Variants in ATF7IP observed in about 807,000 individuals in gnomAD.
The protein encoded by ATF7IP is activating transcription factor 7 interacting protein.
In ATF7IP, 23 loss-of-function variants were observed where a neutral mutation model predicts 106.4. The observed-to-expected ratio is 0.22, with a 90% CI of 0.16 to 0.31. The LOEUF (loss-of-function observed/expected upper bound fraction) is 0.31. Among genes scored for constraint, ATF7IP ranks in the 10% least tolerant of loss-of-function variants. The probability of loss-of-function intolerance (pLI) is 1.00; values close to 1 mark genes in which losing one functional copy is unlikely to be tolerated. For missense variants in ATF7IP, 1,334 were observed against 1,524.3 expected, an observed-to-expected ratio of 0.88 and a Z score of 2.08; for synonymous variants, 542 against 539.0, an observed-to-expected ratio of 1.01 and a Z score of -0.08.
At chr12:14,472,972 C>T (rs535598843) in intron 10 of ATF7IP, among the ~76,000 whole-genome samples, 2 of 152,192 alleles carry the variant, frequency 1.3e-5, no homozygotes, top group South Asian at 4.1e-4. Flanking sequence ...CAGCTTTTTA[C>T]TTTCAATCTG....
At chr12:14,450,282 G>C (rs1449278418) in intron 6 of ATF7IP, among the ~76,000 whole-genome samples, 1 of 152,164 alleles carries the variant, frequency 6.6e-6, no homozygotes, top group Non-Finnish European at 1.5e-5. Flanking sequence ...TCACCATTGA[G>C]TATGATGTTA....
chr12:14,424,143 G>A lies in ATF7IP; in HGVS notation c.228G>A (p.Glu76=). The A allele has an allele frequency of 6.2e-7, 1 of 1,614,200 alleles. No individual in the cohort carries two copies. Among genetic ancestry groups the A allele is most frequent in the East Asian group, 2.2e-5 (1 of 44,882 alleles). ...KDKEEVNGIE[E]ICFDPEGSKA... is the part of the protein sequence containing the mutation. ...AGGAAGAGGTGAATGGCATTGAAGA[G>A]ATTTGTTTTGATCCTGAAGGAAGTA... The change falls in exon 2 of 15, where the codon GAG becomes GAA. Residue 76 remains glutamate (E), a synonymous_variant. Transcript: ENST00000261168.
At chr12:14,451,802 G>A (rs1310042799) in intron 6 of ATF7IP, among the ~76,000 whole-genome samples, 2 of 152,070 alleles carry the variant, frequency 1.3e-5, no homozygotes, top group African/African-American at 4.8e-5. Flanking sequence ...AATTTTCTAT[G>A]TGCTCTTGAG....
At chr12:14,451,470 A>C (rs909324887) in intron 6 of ATF7IP, among the ~76,000 whole-genome samples, 12 of 151,828 alleles carry the variant, frequency 7.9e-5, no homozygotes, top group Non-Finnish European at 1.3e-4. Flanking sequence ...GTAAAGCTAG[A>C]TTGTTGATTT....
Position 14,492,237 on chromosome 12 carries a change from G to GCC in ATF7IP, c.3281-3993_3281-3992dup, listed in dbSNP as rs879511783. Among the ~76,000 whole-genome samples the GCC allele has an allele frequency of 8.5e-3, 1,301 of 152,308 alleles. 13 individuals carry two copies. Among genetic ancestry groups the GCC allele is most frequent in the Middle Eastern group, 0.055 (16 of 292 alleles). ...TCCATTAATTATCTGACCTCCATAA[G>GCC]CCTGTACTTTAACTGGAGGACCACA... On this transcript the variant is annotated intron_variant, in intron 13 of 14. Coordinates refer to ENST00000261168, the MANE Select transcript of ATF7IP (RefSeq NM_018179.5).
chr12:14,402,102 C>A (rs1227093340), intron 1 of ATF7IP, among the ~76,000 whole-genome samples: 4 of 146,752 alleles, frequency 2.7e-5, no homozygotes, highest in Non-Finnish European at 6.0e-5. Context: ...CTTTCTCTCT[C>A]TCTTTTTCTT....
chr12:14,392,439 T>C (rs1043480823), intron 1 of ATF7IP, among the ~76,000 whole-genome samples: 1 of 152,200 alleles, frequency 6.6e-6, no homozygotes, highest in Non-Finnish European at 1.5e-5. Flanking sequence ...TAAGAATTCT[T>C]ACTTGTGCAA....
chr12:14,485,635 A>G (rs1944580363), intron 13 of ATF7IP, among the ~76,000 whole-genome samples: 1 of 152,198 alleles, frequency 6.6e-6, no homozygotes, highest in Non-Finnish European at 1.5e-5. Context: ...CCCTGAGGTA[A>G]GACAGTAAAG....
intron 1 of ATF7IP, among the ~76,000 whole-genome samples, chr12:14,383,345 AGT>A (rs1939077335): frequency 6.6e-6 from 1 of 152,200 alleles, no homozygotes; most frequent in Non-Finnish European, 1.5e-5. Context: ...TCCATTTGAC[AGT>A]GTGTTCCATA....
chr12:14,452,782 C>T (rs1731306747), intron 6 of ATF7IP, among the ~76,000 whole-genome samples: 1 of 151,936 alleles, frequency 6.6e-6, no homozygotes, highest in South Asian at 2.1e-4. Flanking sequence ...GTATTTTTCT[C>T]CTTATCAACA....
intron 1 of ATF7IP, among the ~76,000 whole-genome samples, chr12:14,380,876 T>G (rs1938975876): frequency 6.6e-6 from 1 of 152,164 alleles, no homozygotes; most frequent in Admixed American, 6.5e-5. Context: ...TCCCTTGGCC[T>G]CCCAAAGTGC....
At chr12:14,402,127 C>CTTTTTTTTTTTTTTTTTT (rs11297116) in intron 1 of ATF7IP, among the ~76,000 whole-genome samples, 5 of 101,872 alleles carry the variant, frequency 4.9e-5, no homozygotes, top group East Asian at 2.7e-4. Flanking sequence ...TTTCTTCTTT[C>CTTTTTTTTTTTTTTTTTT]TTTTTTTTTT....
intron 10 of ATF7IP, among the ~76,000 whole-genome samples, chr12:14,467,672 G>GT (rs60962708): frequency 0.34 from 49,136 of 146,434 alleles, 9,776 homozygotes; most frequent in Admixed American, 0.48. Flanking sequence ...CCCTCAGTGA[G>GT]TTTTTTTTTT....
intron 1 of ATF7IP, among the ~76,000 whole-genome samples, chr12:14,413,690 A>T (rs2136508383): frequency 6.6e-6 from 1 of 152,292 alleles, no homozygotes; most frequent in Non-Finnish European, 1.5e-5. Flanking sequence ...AGAAAAGGAT[A>T]TGTTTTGTTA....
chr12:14,460,601 A>C lies in ATF7IP; in HGVS notation c.2265A>C (p.Ala755=). 3.7e-6 allele frequency: 6 copies of C among 1,614,138 alleles called. No individual in the cohort carries two copies. Among genetic ancestry groups the C allele is most frequent in the Non-Finnish European group, 5.1e-6 (6 of 1,180,018 alleles). Reference sequence around the variant, plus strand: ...TCACAGCAACGTCAGTTCTTCCTGCACCCAATACAGCTACTGTAGTTGCTA... The same window carrying C: ...TCACAGCAACGTCAGTTCTTCCTGCCCCCAATACAGCTACTGTAGTTGCTA... ...GSLTATSVLP[A]PNTATVVATT... is the part of the protein sequence containing the mutation. Residue 755 remains alanine, a synonymous_variant, in exon 9 of 15, where the codon GCA becomes GCC. Transcript: ENST00000261168.
chr12:14,395,627 G>A (rs1256287153), intron 1 of ATF7IP, among the ~76,000 whole-genome samples: 1 of 152,102 alleles, frequency 6.6e-6, no homozygotes, highest in Non-Finnish European at 1.5e-5. Context: ...GCAGAGAGAT[G>A]ACATTTTGTA....
intron 12 of ATF7IP, among the ~76,000 whole-genome samples, chr12:14,479,908 G>C (rs565471481): frequency 3.9e-5 from 6 of 152,100 alleles, no homozygotes; most frequent in African/African-American, 1.4e-4. Context: ...TTTATACAAA[G>C]TTATAATGAC....
intron 12 of ATF7IP, among the ~76,000 whole-genome samples, chr12:14,480,157 T>C (rs1180754524): frequency 6.6e-6 from 1 of 152,154 alleles, no homozygotes; most frequent in African/African-American, 2.4e-5. Context: ...CCAACTTTAT[T>C]TTTTTATAGG....
chr12:14,416,683 C>T (rs1028894300), intron 1 of ATF7IP, among the ~76,000 whole-genome samples: 1 of 152,174 alleles, frequency 6.6e-6, no homozygotes, highest in African/African-American at 2.4e-5. Context: ...AGTTATATTC[C>T]TAATGTTTCC....
Sources: allele counts gnomAD v4.1 joint callset (sites outside exome capture counted in the v4.1 genomes callset), GRCh38; gene constraint gnomAD v4.1.1; transcripts MANE v1.5; gene names NCBI Gene and HGNC (gene_info 2026-07-23, HGNC 2026-07-21).